Variants in ULK4 observed in about 807,000 individuals in gnomAD.
The protein encoded by ULK4 is unc-51 like kinase 4, also known as inactive serine/threonine-protein kinase ULK4.
In ULK4, 133 loss-of-function variants were observed where a neutral mutation model predicts 160.6. That is an observed-to-expected ratio of 0.83 (90% CI 0.72 to 0.96). The LOEUF (loss-of-function observed/expected upper bound fraction) is 0.96. Ranked by LOEUF, ULK4 falls within the 40% of genes least tolerant of loss-of-function variation. ULK4 has a pLI of 0.00. For missense variants in ULK4, 1,580 were observed against 1,499.5 expected (o/e 1.05, Z -0.89); for synonymous variants, 534 against 539.8 (o/e 0.99, Z 0.15).
rs2078745752 is a variant in ULK4, at chr3:41,251,685, A to ACTACCTCT, written c.3679-2112_3679-2111insAGAGGTAG. 3.9e-5 allele frequency among the ~76,000 whole-genome samples: 6 copies of ACTACCTCT among 152,290 alleles called. No homozygotes were observed. The East Asian group carries it at 9.6e-4, about 24-fold the overall frequency. Reference sequence around the variant, plus strand: ...CTCTTGTGTCCCAGGCCATTCTGTGATGGCAGCAGTGGTAGTGGGGACAGA... The same window carrying ACTACCTCT: ...CTCTTGTGTCCCAGGCCATTCTGTGACTACCTCTTGGCAGCAGTGGTAGTGGGGACAGA... On this transcript the variant is annotated intron_variant, in intron 35 of 36. Coordinates refer to ENST00000301831, the MANE Select transcript of ULK4 (RefSeq NM_017886.4).
At chr3:41,687,751 C>A (rs557336156) in intron 27 of ULK4, 1 of 152,220 alleles carries the variant, frequency 6.6e-6, no homozygotes, top group African/African-American at 2.4e-5. Flanking sequence ...GATAAAGACA[C>A]TTCCAAATAA....
intron 29 of ULK4, among the ~76,000 whole-genome samples, chr3:41,678,495 G>A (rs2035811056): frequency 6.6e-6 from 1 of 152,162 alleles, no homozygotes; most frequent in Admixed American, 6.5e-5. Flanking sequence ...TGAGAACAAA[G>A]CAGAGTAGAT....
At chr3:41,323,438 A>ACACC (rs1278298101) in intron 35 of ULK4, among the ~76,000 whole-genome samples, 1 of 147,624 alleles carries the variant, frequency 6.8e-6, no homozygotes, top group Non-Finnish European at 1.5e-5. Context: ...ACACACACAC[A>ACACC]CCAAAAACCA....
At chr3:41,918,768 A>T (rs1351359553) in intron 6 of ULK4, among the ~76,000 whole-genome samples, 1 of 151,734 alleles carries the variant, frequency 6.6e-6, no homozygotes, top group Non-Finnish European at 1.5e-5. Context: ...CGCCCAGCTA[A>T]TTTTTTGTAT....
intron 29 of ULK4, among the ~76,000 whole-genome samples, chr3:41,669,761 T>TATA (rs1317901001): frequency 4.0e-5 from 6 of 151,138 alleles, no homozygotes; most frequent in Non-Finnish European, 7.4e-5. Context: ...GTATAGATAA[T>TATA]ATAATAATAA....
At chr3:41,774,299 G>C (rs1575685509) in intron 21 of ULK4, among the ~76,000 whole-genome samples, 1 of 150,562 alleles carries the variant, frequency 6.6e-6, no homozygotes, top group Admixed American at 6.6e-5. Context: ...TACAAAATGG[G>C]AGAAAATTTT....
chr3:41,360,491 A>G (rs2081120410), intron 35 of ULK4, among the ~76,000 whole-genome samples: 1 of 152,192 alleles, frequency 6.6e-6, no homozygotes. Flanking sequence ...GCCATTCACA[A>G]TAGCAAAGAC....
intron 30 of ULK4, among the ~76,000 whole-genome samples, chr3:41,647,595 C>G (rs1335865010): frequency 2.0e-5 from 3 of 152,214 alleles, no homozygotes; most frequent in South Asian, 2.1e-4. Flanking sequence ...AGGTGTCAGT[C>G]TGCCCCTACT....
In ULK4 at chr3:41,789,714, A is replaced by G. The variant is rs904132249; in HGVS notation, c.2140T>C (p.Phe714Leu). The G allele has an allele frequency of 3.7e-6, 6 of 1,612,100 alleles. No individual in the cohort carries two copies. The African/African-American group carries it at 6.7e-5, about 18-fold the overall frequency. ...ATCCCACAGGACAACATGGCAGCGA[A>G]TAAGGTCAACATGTACTGCTGAACT... is the stretch of plus-strand genomic sequence containing the variant. ...CKVQQYMLTL[F>L]AAMLSCGIHL... Residue 714 changes from phenylalanine to leucine, a missense_variant, in exon 21 of 37, where the codon TTC (phenylalanine) becomes CTC (leucine). By Grantham distance (22) the Phe-to-Leu change is conservative. Transcript: ENST00000301831.
At chr3:41,564,233 G>A (rs2087706297) in intron 32 of ULK4, among the ~76,000 whole-genome samples, 1 of 152,028 alleles carries the variant, frequency 6.6e-6, no homozygotes, top group Non-Finnish European at 1.5e-5. Flanking sequence ...AAATATTTTT[G>A]GCAGATCCTT....
intron 30 of ULK4, among the ~76,000 whole-genome samples, chr3:41,650,075 TCTC>T (rs772693627): frequency 1.3e-5 from 2 of 151,784 alleles, no homozygotes; most frequent in African/African-American, 2.4e-5. Flanking sequence ...CCACCACAGG[TCTC>T]CTCTCTGCTG....
At chr3:41,637,953 AC>A (rs2034023820) in intron 30 of ULK4, among the ~76,000 whole-genome samples, 1 of 152,128 alleles carries the variant, frequency 6.6e-6, no homozygotes, top group Non-Finnish European at 1.5e-5. Flanking sequence ...TATCTGATGT[AC>A]GGTTTACAAA....
chr3:41,565,676 C>T (rs2087757513), intron 32 of ULK4, among the ~76,000 whole-genome samples: 1 of 152,164 alleles, frequency 6.6e-6, no homozygotes, highest in Non-Finnish European at 1.5e-5. Context: ...GCATCTAGAA[C>T]TGTACAAAAT....
chr3:41,655,905 G>A (rs1222664400), intron 30 of ULK4, among the ~76,000 whole-genome samples: 1 of 152,094 alleles, frequency 6.6e-6, no homozygotes, highest in Non-Finnish European at 1.5e-5. Context: ...AAAGAATATG[G>A]CAAAGCCTAA....
intron 30 of ULK4, among the ~76,000 whole-genome samples, chr3:41,663,354 C>G (rs948854492): frequency 2.0e-5 from 3 of 152,144 alleles, no homozygotes; most frequent in African/African-American, 7.2e-5. Context: ...TGTTTCATCT[C>G]TTAAAAGAAG....
chr3:41,721,691 T>G (rs1399766019), intron 22 of ULK4, among the ~76,000 whole-genome samples: 1 of 151,798 alleles, frequency 6.6e-6, no homozygotes, highest in Non-Finnish European at 1.5e-5. Flanking sequence ...TAAGTAATAT[T>G]GTTGTCCTAC....
At chr3:41,945,380 A>G (rs1395937877) in intron 2 of ULK4, among the ~76,000 whole-genome samples, 2 of 152,172 alleles carry the variant, frequency 1.3e-5, no homozygotes, top group Non-Finnish European at 2.9e-5. Context: ...GAGTCTGGGA[A>G]TTGCAGTTTG....
At chr3:41,818,648 T>C (rs1045808904) in intron 19 of ULK4, among the ~76,000 whole-genome samples, 1 of 152,190 alleles carries the variant, frequency 6.6e-6, no homozygotes, top group African/African-American at 2.4e-5. Context: ...TCAGGGAGTT[T>C]TTCTACACTT....
intron 27 of ULK4, among the ~76,000 whole-genome samples, chr3:41,683,826 CT>C (rs1366742038): frequency 3.3e-5 from 5 of 151,958 alleles, no homozygotes; most frequent in African/African-American, 9.7e-5. Context: ...CTGTAATATT[CT>C]TTAAGTACAT....
Sources: allele counts gnomAD v4.1 joint callset (sites outside exome capture counted in the v4.1 genomes callset), GRCh38; gene constraint gnomAD v4.1.1; transcripts MANE v1.5; gene names NCBI Gene and HGNC (gene_info 2026-07-23, HGNC 2026-07-21).